KIAA0825: variants seen among roughly 807,000 people sequenced by gnomAD.
KIAA0825 encodes the protein uncharacterized protein KIAA0825.
A neutral mutation model predicts 147.6 loss-of-function variants in KIAA0825; 119 were observed. That is an observed-to-expected ratio of 0.81 (90% CI 0.69 to 0.94). KIAA0825 has a LOEUF of 0.94. KIAA0825 is among the 40% of genes least tolerant of loss of function. The pLI, the probability that KIAA0825 is intolerant of heterozygous loss-of-function variation, is 0.00. For synonymous variants in KIAA0825, 470 were observed against 518.1 expected (o/e 0.91, Z 1.26); for missense variants, 1,381 against 1,472.7 (o/e 0.94, Z 1.02).
chr5:94,329,036 C>A (rs1250702777), intron 20 of KIAA0825, among the ~76,000 whole-genome samples: 1 of 152,032 alleles, frequency 6.6e-6, no homozygotes, highest in Non-Finnish European at 1.5e-5. Context: ...CCTGAGACCA[C>A]ACCAAGAATT....
intron 14 of KIAA0825, among the ~76,000 whole-genome samples, chr5:94,434,498 A>T (rs987361125): frequency 1.3e-5 from 2 of 152,242 alleles, no homozygotes; most frequent in Non-Finnish European, 2.9e-5. Flanking sequence ...AAAGCTACAG[A>T]CATCACTTTC....
At chr5:94,435,428 C>T (rs1279954598) in intron 14 of KIAA0825, among the ~76,000 whole-genome samples, 2 of 151,686 alleles carry the variant, frequency 1.3e-5, no homozygotes, top group African/African-American at 2.4e-5. Flanking sequence ...TAGCTCCATC[C>T]ATGTCCCTGC....
At chr5:94,580,224 G>A (rs1781830238) in intron 2 of KIAA0825, among the ~76,000 whole-genome samples, 1 of 152,154 alleles carries the variant, frequency 6.6e-6, no homozygotes, top group African/African-American at 2.4e-5. Flanking sequence ...AGAGCCAGGT[G>A]TTTCAATCAA....
Position 94,473,153 on chromosome 5 carries a change from G to A in KIAA0825, c.1455+139C>T, listed in dbSNP as rs1026775557. The A allele has an allele frequency of 3.4e-5, 22 of 649,818 alleles. No individual in the cohort carries two copies. The Middle Eastern group carries it at 9.5e-4, about 28-fold the overall frequency. 40.3% of individuals were successfully genotyped at this position (649,818 alleles called of 1,614,324 possible). ...GCAGTGGCCCATGGATACCACTGAA[G>A]AAAACTGGTACTGGGTCAAGTACCA... On this transcript the variant is annotated intron_variant, in intron 8 of 20. Coordinates refer to ENST00000682413, the MANE Select transcript of KIAA0825 (RefSeq NM_001145678.3).
intron 20 of KIAA0825, among the ~76,000 whole-genome samples, chr5:94,173,693 A>G (rs1225186969): frequency 6.6e-6 from 1 of 152,184 alleles, no homozygotes; most frequent in Non-Finnish European, 1.5e-5. Context: ...GAGGAAAACG[A>G]GGCTCCACCT....
intron 20 of KIAA0825, among the ~76,000 whole-genome samples, chr5:94,327,583 C>T (rs1026761358): frequency 6.6e-6 from 1 of 152,110 alleles, no homozygotes; most frequent in South Asian, 2.1e-4. Flanking sequence ...GCACACTTGA[C>T]AACAATAAAA....
chr5:94,449,753 A>G (rs1319356409), intron 13 of KIAA0825, among the ~76,000 whole-genome samples: 1 of 152,170 alleles, frequency 6.6e-6, no homozygotes, highest in East Asian at 1.9e-4. Flanking sequence ...AGAGAAATCA[A>G]AGAAAATAGA....
chr5:94,345,620 C>T (rs1203933084), intron 20 of KIAA0825, among the ~76,000 whole-genome samples: 1 of 152,128 alleles, frequency 6.6e-6, no homozygotes, highest in African/African-American at 2.4e-5. Context: ...GATAAATATA[C>T]AGCATATTAT....
chr5:94,493,591 C>T (rs909326605), intron 5 of KIAA0825, among the ~76,000 whole-genome samples: 1 of 152,158 alleles, frequency 6.6e-6, no homozygotes, highest in African/African-American at 2.4e-5. Context: ...CGGGTTCACG[C>T]CATTCTCCTG....
chr5:94,429,196 T>A (rs1755308027), intron 14 of KIAA0825, among the ~76,000 whole-genome samples: 1 of 152,226 alleles, frequency 6.6e-6, no homozygotes, highest in Admixed American at 6.5e-5. Flanking sequence ...CCTTTCTGAG[T>A]TTCATTTTGG....
intron 2 of KIAA0825, among the ~76,000 whole-genome samples, chr5:94,562,756 G>T (rs1013329775): frequency 5.9e-5 from 9 of 152,148 alleles, no homozygotes; most frequent in Non-Finnish European, 7.4e-5. Context: ...TCAGACCAAT[G>T]ACTGTAATTG....
intron 14 of KIAA0825, among the ~76,000 whole-genome samples, chr5:94,438,618 A>C (rs577214157): frequency 1.3e-5 from 2 of 152,268 alleles, no homozygotes; most frequent in South Asian, 4.1e-4. Flanking sequence ...ATGGCTTTAC[A>C]GTTTGGAGAG....
At chr5:94,293,920 G>A (rs1016313938) in intron 20 of KIAA0825, among the ~76,000 whole-genome samples, 2 of 151,960 alleles carry the variant, frequency 1.3e-5, no homozygotes, top group South Asian at 4.2e-4. Flanking sequence ...TTTTTTCAGA[G>A]ATTAAGATTG....
At chr5:94,290,131 G>C (rs1478210270) in intron 20 of KIAA0825, among the ~76,000 whole-genome samples, 5 of 152,014 alleles carry the variant, frequency 3.3e-5, no homozygotes, top group South Asian at 2.1e-4. Context: ...GTACATTCTT[G>C]GTAGAAAAAA....
At chr5:94,427,978 CGTT>C (rs1755113195) in intron 14 of KIAA0825, among the ~76,000 whole-genome samples, 2 of 151,808 alleles carry the variant, frequency 1.3e-5, no homozygotes, top group African/African-American at 4.8e-5. Context: ...TCTTTTTTGC[CGTT>C]GTTGATTTAA....
chr5:94,520,600 T>C lies in KIAA0825; in HGVS notation c.618A>G (p.Ser206=), dbSNP rs1340801243. The C allele has an allele frequency of 1.2e-6, 2 of 1,613,434 alleles. No individual in the cohort carries two copies. The highest frequency in any genetic ancestry group is 3.3e-5 in the Admixed American group (2 of 59,946). Residue 206 remains serine (S), a synonymous_variant, in exon 5 of 21, where the codon TCA becomes TCG. Coordinates refer to ENST00000682413, the MANE Select transcript of KIAA0825 (RefSeq NM_001145678.3). ...LQQLLFLYPE[S]EVIIKYQNIQ... Reference sequence around the variant, plus strand: ...TGTTTTGGTATTTGATTATAACTTCTGATTCTGGATAAAGAAACAAGAGTT... The same window carrying C: ...TGTTTTGGTATTTGATTATAACTTCCGATTCTGGATAAAGAAACAAGAGTT...
rs1439347324 is a variant in KIAA0825 at position 94,466,686 on chromosome 5, G to A, written c.1873-1627C>T. ...CGGGAGGCAGAGCTTGCGGTGAGCC[G>A]AGATCGTGCCACTGCACTCCAGCCT... On this transcript the variant is annotated intron_variant, in intron 10 of 20. Coordinates refer to ENST00000682413, the MANE Select transcript of KIAA0825 (RefSeq NM_001145678.3). 5.0e-5 allele frequency among the ~76,000 whole-genome samples: 7 copies of A among 139,920 alleles called. No individual in the cohort carries two copies. The South Asian group carries it at 9.0e-4, about 18-fold the overall frequency. 91.8% of individuals were successfully genotyped at this position (139,920 alleles called of 152,430 possible). A position where few individuals can be genotyped will look rare whatever the true frequency, so the allele number is the denominator to read the frequency against.
chr5:94,470,710 A>C (rs961866960), intron 9 of KIAA0825, among the ~76,000 whole-genome samples: 1 of 152,210 alleles, frequency 6.6e-6, no homozygotes, highest in Admixed American at 6.5e-5. Flanking sequence ...CATCAAGCCA[A>C]ATTTATTCTA....
chr5:94,408,543 G>A (rs1752370499), intron 15 of KIAA0825, among the ~76,000 whole-genome samples: 1 of 130,752 alleles, frequency 7.6e-6, no homozygotes, highest in South Asian at 2.5e-4. Context: ...GTGTGTGTGT[G>A]TGTATTTTTA....
Sources: allele counts gnomAD v4.1 joint callset (sites outside exome capture counted in the v4.1 genomes callset), GRCh38; gene constraint gnomAD v4.1.1; transcripts MANE v1.5; gene names NCBI Gene and HGNC (gene_info 2026-07-23, HGNC 2026-07-21).